Variants in ACAP2 observed in about 807,000 individuals in gnomAD.
ACAP2 encodes the protein ArfGAP with coiled-coil, ankyrin repeat and PH domains 2.
ACAP2 carries 39 observed loss-of-function variants against 115.8 expected under a neutral mutation model. That is an observed-to-expected ratio of 0.34 (90% CI 0.26 to 0.44). ACAP2 has a LOEUF of 0.44. ACAP2 is among the 20% of genes least tolerant of loss of function. The pLI is 1.00. For synonymous variants in ACAP2, 289 were observed against 315.8 expected, an observed-to-expected ratio of 0.92 and a Z score of 0.90; for missense variants, 662 against 927.6, an observed-to-expected ratio of 0.71 and a Z score of 3.72.
At chr3:195,374,791 T>G (rs1322918302) in intron 4 of ACAP2, among the ~76,000 whole-genome samples, 2 of 151,900 alleles carry the variant, frequency 1.3e-5, no homozygotes, top group Non-Finnish European at 2.9e-5. Context: ...CTCGGCTCAC[T>G]ACAAGCTCCG....
intron 18 of ACAP2, 140 bp from the exon 19 acceptor site, chr3:195,292,592 G>T: frequency 2.6e-6 from 2 of 783,482 alleles, no homozygotes; most frequent in South Asian, 3.8e-5. Context: ...ACACTAATGG[G>T]AATATACTTA....
intron 7 of ACAP2, among the ~76,000 whole-genome samples, chr3:195,333,884 G>A (rs926259683): frequency 1.3e-5 from 2 of 152,134 alleles, no homozygotes; most frequent in Non-Finnish European, 2.9e-5. Context: ...GTAGGAGAAC[G>A]CTGGGTTTTT....
rs558309844 is a variant in ACAP2 at position 195,390,853 on chromosome 3, A to C, written c.111+1237T>G. Among the ~76,000 whole-genome samples, 341 of 152,338 alleles carry C rather than the reference A, an allele frequency of 2.2e-3. 1 individual carries two copies. The highest frequency in any genetic ancestry group is 8.0e-3 in the African/African-American group (332 of 41,582). Reference sequence around the variant, plus strand: ...TTTATCTCCAGAAATTTAAAGAGAAACATGTAAATGAGCAGTGGTTTCAGA... The same window carrying C: ...TTTATCTCCAGAAATTTAAAGAGAACCATGTAAATGAGCAGTGGTTTCAGA... On this transcript the variant is annotated intron_variant, in intron 2 of 22. Transcript: ENST00000326793.
rs1731966544 is a variant in ACAP2, at chr3:195,356,309, C to T, written c.286-10992G>A. ...AGACCAGCCCCAGGGACAGGACAAT[C>T]ACACAGCCTGGAGGTTGGAACTGGA... is the stretch of plus-strand genomic sequence containing the variant. On this transcript the variant is annotated intron_variant, in intron 4 of 22. Coordinates refer to ENST00000326793, the MANE Select transcript of ACAP2 (RefSeq NM_012287.6). 3 of 401,744 alleles carry T rather than the reference C, an allele frequency of 7.5e-6. No individual in the cohort carries two copies. In the Admixed American group the frequency reaches 8.1e-5, roughly 11 times the overall value. 24.9% of individuals were successfully genotyped at this position (401,744 alleles called of 1,614,324 possible).
chr3:195,355,914 T>C (rs1172959412), intron 4 of ACAP2, among the ~76,000 whole-genome samples: 1 of 152,092 alleles, frequency 6.6e-6, no homozygotes, highest in Non-Finnish European at 1.5e-5. Flanking sequence ...CAACAAAAAT[T>C]AAAAATAGAA....
chr3:195,415,587 T>C (rs1713654094), intron 1 of ACAP2, among the ~76,000 whole-genome samples: 2 of 152,104 alleles, frequency 1.3e-5, no homozygotes, highest in African/African-American at 4.8e-5. Context: ...GTCCATTTTT[T>C]AAAAAAGTAA....
At chr3:195,381,714 G>A (rs958936968) in intron 3 of ACAP2, among the ~76,000 whole-genome samples, 189 bp downstream of exon 3, 39 of 151,952 alleles carry the variant, frequency 2.6e-4, no homozygotes, top group African/African-American at 7.0e-4. Flanking sequence ...TAGATAATGC[G>A]CAATGCAAAT....
intron 10 of ACAP2, among the ~76,000 whole-genome samples, chr3:195,312,139 G>T (rs1728813035): frequency 6.6e-6 from 1 of 151,940 alleles, no homozygotes; most frequent in Non-Finnish European, 1.5e-5. Context: ...TTGTAATCAA[G>T]AACATGAGTA....
intron 22 of ACAP2, among the ~76,000 whole-genome samples, chr3:195,284,162 A>C (rs1243818804): frequency 6.6e-6 from 1 of 152,208 alleles, no homozygotes; most frequent in Non-Finnish European, 1.5e-5. Context: ...AGGAAAGAGC[A>C]GCTAACCAAA....
chr3:195,420,138 A>G (rs1468729881), intron 1 of ACAP2, among the ~76,000 whole-genome samples: 17 of 152,054 alleles, frequency 1.1e-4, no homozygotes. Context: ...CAAGTTTTAT[A>G]GTTGTTTTAT....
At chr3:195,360,170 A>C (rs1397107271) in intron 4 of ACAP2, among the ~76,000 whole-genome samples, 1 of 152,216 alleles carries the variant, frequency 6.6e-6, no homozygotes, top group African/African-American at 2.4e-5. Context: ...CTGAAAATAA[A>C]GGAATGGAAA....
At chr3:195,300,616 C>T (rs1029302991) in intron 15 of ACAP2, among the ~76,000 whole-genome samples, 1 of 152,106 alleles carries the variant, frequency 6.6e-6, no homozygotes, top group Non-Finnish European at 1.5e-5. Context: ...CTGAAACAAC[C>T]CAATGGTGTC....
rs1270553161 is a variant in ACAP2, at chr3:195,366,274, TGAA to T, written c.285+14732_285+14734del. 2.0e-5 allele frequency among the ~76,000 whole-genome samples: 3 copies of T among 152,266 alleles called. No homozygotes were observed. In the East Asian group the frequency reaches 5.8e-4, roughly 29 times the overall value. On this transcript the variant is annotated intron_variant, in intron 4 of 22. Coordinates refer to ENST00000326793, the MANE Select transcript of ACAP2 (RefSeq NM_012287.6). ...AGAAAATACAAAGATGCAATCTTGTTGAAGAAACATAGGCTGCTTCTATATTTT... is the reference window on the plus strand; with the variant it reads ...AGAAAATACAAAGATGCAATCTTGTTGAAACATAGGCTGCTTCTATATTTT...
chr3:195,379,994 T>C (rs1000359916), intron 4 of ACAP2, among the ~76,000 whole-genome samples: 1 of 152,156 alleles, frequency 6.6e-6, no homozygotes, highest in South Asian at 2.1e-4. Flanking sequence ...CAATAACAAG[T>C]GTTGATAACG....
intron 4 of ACAP2, among the ~76,000 whole-genome samples, chr3:195,375,251 A>C (rs1221196442): frequency 3.3e-5 from 5 of 152,140 alleles, no homozygotes; most frequent in Non-Finnish European, 7.3e-5. Context: ...CATTCAATAC[A>C]TAATATCTTC....
intron 4 of ACAP2, among the ~76,000 whole-genome samples, chr3:195,360,496 G>A (rs1295632230): frequency 6.6e-6 from 1 of 152,176 alleles, no homozygotes; most frequent in Non-Finnish European, 1.5e-5. Flanking sequence ...GGAAACATCA[G>A]ACTTAATCTG....
At chr3:195,353,846 T>C (rs1351492563) in intron 4 of ACAP2, among the ~76,000 whole-genome samples, 1 of 152,196 alleles carries the variant, frequency 6.6e-6, no homozygotes, top group East Asian at 1.9e-4. Context: ...TTTTAACTTT[T>C]AGGTTCAGGG....
chr3:195,388,321 G>C (rs970655861), intron 2 of ACAP2, among the ~76,000 whole-genome samples: 8 of 152,198 alleles, frequency 5.3e-5, no homozygotes, highest in Non-Finnish European at 8.8e-5. Flanking sequence ...ATGCCAGTCA[G>C]ACAATGCAAC....
At chr3:195,442,088 G>C (rs920450807) in intron 1 of ACAP2, 4 of 152,486 alleles carry the variant, frequency 2.6e-5, no homozygotes, top group Admixed American at 2.0e-4. Flanking sequence ...CCTCAGCCCG[G>C]TACCTCTCGA....
Sources: gnomAD v4.1 joint callset for allele counts (sites outside exome capture counted in the v4.1 genomes callset) on GRCh38, gnomAD v4.1.1 for gene constraint, MANE v1.5 for transcripts, NCBI Gene and HGNC (gene_info 2026-07-23, HGNC 2026-07-21) for gene names.